Variants in DRP2 observed in about 807,000 individuals in gnomAD.
DRP2 encodes the protein dystrophin-related protein 2.
In DRP2, 29 loss-of-function variants were observed where a neutral mutation model predicts 78.2. The ratio of observed to expected loss-of-function variants is 0.37; its 90% CI spans 0.28 to 0.51. The LOEUF is 0.51. Among genes scored for constraint, DRP2 ranks in the 20% least tolerant of loss-of-function variants. The pLI, the probability that DRP2 is intolerant of heterozygous loss-of-function variation, is 0.94. For missense variants in DRP2, 686 were observed against 770.6 expected, an observed-to-expected ratio of 0.89 and a Z score of 1.30; for synonymous variants, 290 against 281.9, an observed-to-expected ratio of 1.03 and a Z score of -0.29.
Position 101,256,165 on chromosome X carries a change from G to T in DRP2, c.2294G>T (p.Arg765Leu), listed in dbSNP as rs769674969. The T allele has an allele frequency of 2.5e-6, 3 of 1,207,125 alleles. No homozygotes were observed. Among genetic ancestry groups the T allele is most frequent in the Non-Finnish European group, 3.4e-6 (3 of 893,399 alleles). The stretch of plus-strand genomic sequence containing the variant: ...CGGCACTCCAGCCCCATCACAGACC[G>T]GGAGCCAGCCTTTGGACAGCAGGCT... ...LLRHSSPITD[R>L]EPAFGQQAPC... The change falls in exon 21 of 24, where the codon CGG (arginine) becomes CTG (leucine). Residue 765 changes from arginine (R) to leucine (L), a missense_variant. This residue lies in a region of DRP2 where 423 missense variants were observed against 531.5 expected (regional missense o/e 0.80). Transcript: ENST00000395209.
intron 11 of DRP2, among the ~76,000 whole-genome samples, chrX:101,245,980 T>C (rs1343522107): frequency 2.7e-5 from 3 of 112,527 alleles, no homozygotes; most frequent in Non-Finnish European, 3.8e-5. Context: ...GATGTACTAA[T>C]GGCATAGATT....
At position 101,263,491 on chromosome X, in the gene DRP2, T is replaced by A. The variant is rs1215275424; in HGVS notation, c.*2870T>A. Reference sequence around the variant, plus strand: ...GTTAGGACTGAGAGGTGATTTCTTCTTGACAGAATTTGATAGAGGCCAAAA... The same window carrying A: ...GTTAGGACTGAGAGGTGATTTCTTCATGACAGAATTTGATAGAGGCCAAAA... On this transcript the variant is annotated 3_prime_UTR_variant, in exon 24 of 24. Transcript: ENST00000395209. 1 of 112,078 alleles carries A rather than the reference T, an allele frequency of 8.9e-6. No homozygotes were observed. The highest frequency in any genetic ancestry group is 3.2e-5 in the African/African-American group (1 of 30,834). The allele number at this position is 112,078 out of a possible 1,213,427, so 9.2% of individuals were successfully genotyped here.
chrX:101,243,376 G>A (rs1029747187), intron 9 of DRP2, among the ~76,000 whole-genome samples: 2 of 89,314 alleles, frequency 2.2e-5, no homozygotes, highest in Non-Finnish European at 4.3e-5. Flanking sequence ...CAGCCTGGGC[G>A]ATAAGGATGA....
At position 101,231,681 on chromosome X, in the gene DRP2, A is replaced by ACC; in HGVS notation, c.36_37dup (p.Leu13ProfsTer48). On this transcript the variant is annotated frameshift_variant, in exon 3 of 24. Transcript: ENST00000395209. LOFTEE classifies it high-confidence loss of function. ...TATGGTCATGCAGGGATGCCCTTACACCCTCCCACGATGTCATGACTGGCA... is the reference window on the plus strand; with the variant it reads ...TATGGTCATGCAGGGATGCCCTTACACCCCCTCCCACGATGTCATGACTGGCA... The ACC allele has an allele frequency of 4.1e-6, 5 of 1,209,215 alleles. No homozygotes were observed. The South Asian group carries it at 8.8e-5, about 21-fold the overall frequency.
chrX:101,233,614 G>T (rs1480499666), intron 3 of DRP2, among the ~76,000 whole-genome samples: 1 of 112,109 alleles, frequency 8.9e-6, no homozygotes, highest in Non-Finnish European at 1.9e-5. Flanking sequence ...AGGGATGGGG[G>T]ACCAGCTTGG....
At chrX:101,224,191 G>GTTTTTTTTTTTTTTTTTTT (rs1167730116) in intron 1 of DRP2, among the ~76,000 whole-genome samples, 7 of 38,866 alleles carry the variant, frequency 1.8e-4, no homozygotes, top group African/African-American at 2.5e-4. Flanking sequence ...GGTTTTTTTT[G>GTTTTTTTTTTTTTTTTTTT]TTTTTTTTTT....
At chrX:101,233,029 T>A (rs1040782894) in intron 3 of DRP2, among the ~76,000 whole-genome samples, 7 of 112,146 alleles carry the variant, frequency 6.2e-5, no homozygotes, top group African/African-American at 1.9e-4. Flanking sequence ...GAAGCAAATA[T>A]CCTGGCTACA....
At position 101,231,568 on chromosome X, in the gene DRP2, C is replaced by T. The variant is rs1463385366; in HGVS notation, c.-63-17C>T. ...TTCTAGGTCTTGACTCGAAATCTCT[C>T]TGTATTGCTTTTCCAGGTGCTTAAT... is the stretch of plus-strand genomic sequence containing the variant. On this transcript the variant is annotated splice_polypyrimidine_tract_variant and intron_variant, in intron 2 of 23. Transcript: ENST00000395209. 1.2e-6 allele frequency: 1 copy of T among 861,378 alleles called. No individual in the cohort carries two copies. Among genetic ancestry groups the T allele is most frequent in the African/African-American group, 2.0e-5 (1 of 50,303 alleles). 71.0% of individuals were successfully genotyped at this position (861,378 alleles called of 1,213,427 possible). A position where few individuals can be genotyped will look rare whatever the true frequency, so the allele number is the denominator to read the frequency against.
intron 11 of DRP2, among the ~76,000 whole-genome samples, chrX:101,246,159 G>A (rs979305550): frequency 7.1e-5 from 8 of 112,352 alleles, no homozygotes; most frequent in South Asian, 7.5e-4. Flanking sequence ...GTGCCTCATC[G>A]TTTCTCCAAC....
chrX:101,241,403 A>G (rs1922718566), intron 6 of DRP2, among the ~76,000 whole-genome samples: 1 of 111,987 alleles, frequency 8.9e-6, no homozygotes, highest in African/African-American at 3.3e-5. Flanking sequence ...TAAAGGGTAC[A>G]TGAAATCTCT....
At chrX:101,248,629 G>A (rs1266413511) in intron 14 of DRP2, 30 bp downstream of exon 14, 2 of 1,152,878 alleles carry the variant, frequency 1.7e-6, no homozygotes, top group East Asian at 3.0e-5. Flanking sequence ...GTGGAGTGGT[G>A]TTGGGTAGAG....
Position 101,264,297 on chromosome X carries a change from C to T in DRP2, c.*3676C>T, listed in dbSNP as rs1320320642. 9.0e-6 allele frequency: 1 copy of T among 111,468 alleles called. No individual in the cohort carries two copies. Among genetic ancestry groups the T allele is most frequent in the Non-Finnish European group, 1.9e-5 (1 of 53,126 alleles). The allele number at this position is 111,468 out of a possible 1,213,427, so 9.2% of individuals were successfully genotyped here. A position where few individuals can be genotyped will look rare whatever the true frequency, so the allele number is the denominator to read the frequency against. On this transcript the variant is annotated 3_prime_UTR_variant, in exon 24 of 24. Transcript: ENST00000395209. ...TGAGGCCTGACCGAAGTCTGGTATGCTGCTTGCTGGCTACAAGAACTGGTC... is the reference window on the plus strand; with the variant it reads ...TGAGGCCTGACCGAAGTCTGGTATGTTGCTTGCTGGCTACAAGAACTGGTC...
At chrX:101,236,118 C>G in intron 4 of DRP2, 95 bp downstream of exon 4, 1 of 967,006 alleles carries the variant, frequency 1.0e-6, no homozygotes, top group South Asian at 2.1e-5. Flanking sequence ...GTGCATCCCC[C>G]TTTCCTTAGC....
intron 1 of DRP2, 134 bp downstream of exon 1, chrX:101,220,280 T>TGTGTAC (rs1556416253): frequency 1.2e-5 from 1 of 83,851 alleles, no homozygotes; most frequent in Non-Finnish European, 2.3e-5. Context: ...AATGAGTGTG[T>TGTGTAC]GTGTGCGTGT....
At chrX:101,231,930 G>T (rs1922323367) in intron 3 of DRP2, among the ~76,000 whole-genome samples, 166 bp downstream of exon 3, 1 of 111,368 alleles carries the variant, frequency 9.0e-6, no homozygotes, top group Admixed American at 9.5e-5. Context: ...TACTCATTAT[G>T]TCTTTTATTG....
chrX:101,230,244 G>A (rs891187336), intron 2 of DRP2, among the ~76,000 whole-genome samples: 11 of 112,162 alleles, frequency 9.8e-5, no homozygotes, highest in Non-Finnish European at 9.4e-5. Flanking sequence ...GCAAATCTCG[G>A]CCAGGCACAG....
intron 1 of DRP2, among the ~76,000 whole-genome samples, chrX:101,220,851 CA>C (rs1047312837): frequency 2.7e-5 from 3 of 111,609 alleles, no homozygotes; most frequent in African/African-American, 9.8e-5. Flanking sequence ...ACCCTGTAAT[CA>C]GGAGGCATCT....
chrX:101,249,544 G>A (rs1173144259), intron 14 of DRP2, among the ~76,000 whole-genome samples: 3 of 111,202 alleles, frequency 2.7e-5, no homozygotes, highest in Non-Finnish European at 5.7e-5. Flanking sequence ...GATCACTTGA[G>A]CCCAGAAGTT....
chrX:101,238,350 G>A (rs774002064), intron 5 of DRP2, among the ~76,000 whole-genome samples: 1 of 111,346 alleles, frequency 9.0e-6, no homozygotes, highest in Non-Finnish European at 1.9e-5. Context: ...GAATCTTACA[G>A]ACAGACAATA....
Sources: allele counts gnomAD v4.1 joint callset (sites outside exome capture counted in the v4.1 genomes callset), GRCh38; gene constraint gnomAD v4.1.1; regional missense constraint gnomAD v4.1.1; transcripts MANE v1.5; gene names NCBI Gene and HGNC (gene_info 2026-07-23, HGNC 2026-07-21).